HEATR4: variants seen among roughly 807,000 people sequenced by gnomAD.
HEATR4 encodes HEAT repeat-containing protein 4.
In HEATR4, 95 loss-of-function variants were observed where a neutral mutation model predicts 108.8. That is an observed-to-expected ratio of 0.87 (90% CI 0.74 to 1.04). HEATR4 has a LOEUF of 1.04. Among genes scored for constraint, HEATR4 ranks in the 50% least tolerant of loss-of-function variants. The probability of loss-of-function intolerance (pLI) is 0.00; values close to 1 mark genes in which losing one functional copy is unlikely to be tolerated. For synonymous variants in HEATR4, 443 were observed against 459.4 expected, an observed-to-expected ratio of 0.96 and a Z score of 0.46; for missense variants, 1,152 against 1,253.8, an observed-to-expected ratio of 0.92 and a Z score of 1.23.
chr14:73,592,010 G>A, the HEATR4 span: 2 of 1,433,216 alleles, frequency 1.4e-6, no homozygotes, highest in Non-Finnish European at 1.8e-6. Flanking sequence ...GCTGGAACGA[G>A]CCGGTGCGCA....
At chr14:73,599,004 A>G in the HEATR4 span, among the ~76,000 whole-genome samples, 14 of 152,206 alleles carry the variant, frequency 9.2e-5, no homozygotes, top group East Asian at 7.7e-4. Context: ...ACTGTCTCAA[A>G]AAAAAAACAA....
the HEATR4 span, chr14:73,619,809 T>C: frequency 6.2e-7 from 1 of 1,607,476 alleles, no homozygotes. Flanking sequence ...ATCTCAATGG[T>C]AAAAAATCTG....
intron 14 of HEATR4, 64 bp downstream of exon 14, chr14:73,498,091 A>G (rs974158504): frequency 9.6e-6 from 14 of 1,460,150 alleles, no homozygotes; most frequent in Middle Eastern, 2.5e-4. Flanking sequence ...GACATATTCA[A>G]TGAGCAAAGA....
In HEATR4 at chr14:73,484,811, G is replaced by GAC. The variant is rs367692583; in HGVS notation, c.2845-5971_2845-5970dup. Among the ~76,000 whole-genome samples the GAC allele has an allele frequency of 9.7e-3, 1,430 of 147,534 alleles. 21 individuals are homozygous for GAC. The highest frequency in any genetic ancestry group is 0.045 in the East Asian group (227 of 5,056). On this transcript the variant is annotated intron_variant, in intron 17 of 17. Coordinates refer to ENST00000553558, the MANE Select transcript of HEATR4 (RefSeq NM_001220484.1). ...TTCCAGATATTCAACTATGCAGGCAGACACACACACACACACACACAGACA... is the reference window on the plus strand; with the variant it reads ...TTCCAGATATTCAACTATGCAGGCAGACACACACACACACACACACACAGACA...
chr14:73,574,072 T>C, the HEATR4 span, among the ~76,000 whole-genome samples: 3 of 151,532 alleles, frequency 2.0e-5, no homozygotes, highest in Non-Finnish European at 2.9e-5. Flanking sequence ...GGTTTCGCCA[T>C]GTTGGCCAGG....
chr14:73,566,188 G>A, the HEATR4 span, among the ~76,000 whole-genome samples: 12 of 152,086 alleles, frequency 7.9e-5, no homozygotes, highest in Non-Finnish European at 1.6e-4. Flanking sequence ...GATACAGAGT[G>A]CCGATTGGTG....
the HEATR4 span, among the ~76,000 whole-genome samples, chr14:73,626,963 T>G: frequency 1.3e-5 from 2 of 151,452 alleles, 1 homozygote; most frequent in South Asian, 4.2e-4. Context: ...CACTAATTTT[T>G]GTATTTTTAG....
chr14:73,594,545 G>A, the HEATR4 span, among the ~76,000 whole-genome samples: 1 of 152,120 alleles, frequency 6.6e-6, no homozygotes, highest in Non-Finnish European at 1.5e-5. Context: ...CATGTGTTCA[G>A]CCAGATATTC....
At chr14:73,491,698 G>A (rs1199131733) in intron 17 of HEATR4, 2 of 1,550,092 alleles carry the variant, frequency 1.3e-6, no homozygotes, top group East Asian at 2.4e-5. Context: ...AGCGCGAGGC[G>A]GTGCTGGTGC....
At chr14:73,595,704 T>C in the HEATR4 span, 93 of 1,499,152 alleles carry the variant, frequency 6.2e-5, no homozygotes, top group Non-Finnish European at 7.9e-5. Flanking sequence ...ATTCTAGTGT[T>C]CAGTAACCCT....
the HEATR4 span, chr14:73,573,473 G>C: frequency 2.5e-6 from 4 of 1,613,700 alleles, no homozygotes; most frequent in Non-Finnish European, 3.4e-6. Flanking sequence ...TGGCTGGGAA[G>C]GGTTTTGCTG....
At chr14:73,568,546 G>A in the HEATR4 span, among the ~76,000 whole-genome samples, 1 of 151,110 alleles carries the variant, frequency 6.6e-6, no homozygotes, top group African/African-American at 2.4e-5. Context: ...GTCTGGCAAT[G>A]TAGTGAGACC....
chr14:73,579,285 A>C, the HEATR4 span, among the ~76,000 whole-genome samples: 951 of 143,198 alleles, frequency 6.6e-3, 23 homozygotes, highest in African/African-American at 0.024. Context: ...AAAAAAAAAA[A>C]AAAAAAAAAC....
chr14:73,541,839 G>A (rs1355726134), intron 1 of HEATR4: 1 of 590,998 alleles, frequency 1.7e-6, no homozygotes, highest in African/African-American at 2.0e-5. Flanking sequence ...CTTATAGACA[G>A]TTTCTTTCTT....
At chr14:73,584,146 A>G in the HEATR4 span, among the ~76,000 whole-genome samples, 3 of 151,864 alleles carry the variant, frequency 2.0e-5, no homozygotes, top group Non-Finnish European at 2.9e-5. Context: ...AGCACAGAGC[A>G]TGAGGGCAGC....
chr14:73,492,901 T>A lies in HEATR4; in HGVS notation c.2844+165A>T. The A allele has an allele frequency of 6.2e-7, 1 of 1,613,728 alleles. No homozygotes were observed. Among genetic ancestry groups the A allele is most frequent in the Non-Finnish European group, 8.5e-7 (1 of 1,179,844 alleles). Reference sequence around the variant, plus strand: ...TGTCCTTGGCAACCACGTTGTATGATAAGGGGCTGCTGCTCACTAAGATGC... The same window carrying A: ...TGTCCTTGGCAACCACGTTGTATGAAAAGGGGCTGCTGCTCACTAAGATGC... On this transcript the variant is annotated intron_variant, in intron 17 of 17. Transcript: ENST00000553558. This position sits in a 1 kb window ranked among gnomAD's most constrained non-coding sequence, Gnocchi z 4.9.
the HEATR4 span, among the ~76,000 whole-genome samples, chr14:73,630,841 C>G: frequency 6.6e-6 from 1 of 152,126 alleles, no homozygotes; most frequent in African/African-American, 2.4e-5. Flanking sequence ...GGACTCAGAG[C>G]AGGGTGGCAG....
chr14:73,595,042 CTT>C, the HEATR4 span: 3 of 1,612,310 alleles, frequency 1.9e-6, no homozygotes, highest in Non-Finnish European at 2.5e-6. Context: ...CTCTTCTTTT[CTT>C]CCAGGTAAAA....
At chr14:73,603,499 C>T in the HEATR4 span, among the ~76,000 whole-genome samples, 6,833 of 151,960 alleles carry the variant, frequency 0.045, 220 homozygotes, top group Non-Finnish European at 0.072. Flanking sequence ...GGACCACAGG[C>T]GCATGCTACC....
Sources: gnomAD v4.1 joint callset for allele counts (sites outside exome capture counted in the v4.1 genomes callset) on GRCh38, gnomAD v4.1.1 for gene constraint, Gnocchi (gnomAD v3.1) non-coding constraint, MANE v1.5 for transcripts, NCBI Gene and HGNC (gene_info 2026-07-23, HGNC 2026-07-21) for gene names.